Variants in NEK4 observed in about 807,000 individuals in gnomAD.
NEK4 encodes serine/threonine-protein kinase Nek4.
NEK4 carries 86 observed loss-of-function variants against 98.4 expected under a neutral mutation model. That is an observed-to-expected ratio of 0.87 (90% CI 0.73 to 1.05). The LOEUF (loss-of-function observed/expected upper bound fraction) is 1.05, where lower values mean the gene tolerates loss of function less well. Among genes scored for constraint, NEK4 ranks in the 50% least tolerant of loss-of-function variants. NEK4 has a pLI of 0.00. For missense variants in NEK4, 898 were observed against 950.3 expected (o/e 0.94, Z 0.72); for synonymous variants, 328 against 342.2 (o/e 0.96, Z 0.46).
In NEK4 at chr3:52,711,667, A is replaced by T; in HGVS notation, c.*110T>A. ...GAAACGCCAAAGAGATATAAAAAAG[A>T]GATATAAAACAGTGGTGAGTGGCTT... On this transcript the variant is annotated 3_prime_UTR_variant, in exon 16 of 16. Coordinates refer to ENST00000233027, the MANE Select transcript of NEK4 (RefSeq NM_003157.6). 3.0e-6 allele frequency: 2 copies of T among 661,048 alleles called. No homozygotes were observed. Among genetic ancestry groups the T allele is most frequent in the East Asian group, 5.2e-5 (2 of 38,372 alleles). The allele number at this position is 661,048 out of a possible 1,614,324, so 40.9% of individuals were successfully genotyped here.
At chr3:52,767,707 A>G (rs1053241284) in intron 2 of NEK4, among the ~76,000 whole-genome samples, 9 of 152,090 alleles carry the variant, frequency 5.9e-5, no homozygotes, top group African/African-American at 2.2e-4. Context: ...AACAAAAACA[A>G]AACTCCGTCT....
rs1256464141 is a variant in NEK4 at position 52,711,347 on chromosome 3, T to C, written c.*430A>G. 3 of 153,150 alleles carry C rather than the reference T, an allele frequency of 2.0e-5. No homozygotes were observed. The highest frequency in any genetic ancestry group is 2.9e-5 in the Non-Finnish European group (2 of 68,348). The allele number at this position is 153,150 out of a possible 1,614,324, so 9.5% of individuals were successfully genotyped here. A position where few individuals can be genotyped will look rare whatever the true frequency, so the allele number is the denominator to read the frequency against. On this transcript the variant is annotated 3_prime_UTR_variant, in exon 16 of 16. Coordinates refer to ENST00000233027, the MANE Select transcript of NEK4 (RefSeq NM_003157.6). ...ATTTATCAACTACTCCTTAAGGTTA[T>C]TAACAATAGCAGGAATTATGACGAC...
chr3:52,731,477 C>T (rs565773259), intron 15 of NEK4, among the ~76,000 whole-genome samples: 1 of 152,082 alleles, frequency 6.6e-6, no homozygotes, highest in Non-Finnish European at 1.5e-5. Context: ...TATAGATCAG[C>T]GGAATAGAAA....
chr3:52,718,294 G>A (rs1180133932), intron 15 of NEK4, among the ~76,000 whole-genome samples: 1 of 151,088 alleles, frequency 6.6e-6, no homozygotes, highest in Non-Finnish European at 1.5e-5. Context: ...CCAACATGGT[G>A]AAACACTGTC....
intron 15 of NEK4, chr3:52,732,992 G>C: frequency 9.2e-6 from 2 of 216,692 alleles, no homozygotes; most frequent in South Asian, 1.7e-4. Context: ...ACAAACCATA[G>C]TTCCTCAGTT....
intron 6 of NEK4, among the ~76,000 whole-genome samples, chr3:52,759,988 T>C (rs1196453797): frequency 2.0e-5 from 3 of 152,208 alleles, no homozygotes; most frequent in African/African-American, 7.2e-5. Flanking sequence ...TTAATGATTC[T>C]ATTTACATGA....
intron 1 of NEK4, among the ~76,000 whole-genome samples, 183 bp from the exon 2 acceptor site, chr3:52,768,787 C>A (rs1698673435): frequency 2.0e-5 from 3 of 152,120 alleles, no homozygotes; most frequent in African/African-American, 4.8e-5. Flanking sequence ...ATTGATACTT[C>A]TTATAAGTTA....
rs1467999562 is a variant in NEK4, at chr3:52,724,264, A to C, written c.2434-12395T>G. ...ACACACACACACACACACACACACA[A>C]AACTGTCAAAAGACAAAGACAAAGA... On this transcript the variant is annotated intron_variant, in intron 15 of 15. Transcript: ENST00000233027. 6.8e-5 allele frequency among the ~76,000 whole-genome samples: 6 copies of C among 88,682 alleles called. No individual in the cohort carries two copies. In the South Asian group the frequency reaches 8.9e-4, roughly 13 times the overall value. The allele number at this position is 88,682 out of a possible 152,430, so 58.2% of individuals were successfully genotyped here.
rs1211626573 is a variant in NEK4, at chr3:52,711,518, C to T, written c.*259G>A. 4.2e-5 allele frequency: 13 copies of T among 310,708 alleles called. No individual in the cohort carries two copies. Among genetic ancestry groups the T allele is most frequent in the Non-Finnish European group, 5.8e-5 (10 of 171,212 alleles). 19.2% of individuals were successfully genotyped at this position (310,708 alleles called of 1,614,324 possible). ...AATATAAACTTGGTGGATTAAGGCTCAGTAAACAGTAATCAAACAAACAAC... is the reference window on the plus strand; with the variant it reads ...AATATAAACTTGGTGGATTAAGGCTTAGTAAACAGTAATCAAACAAACAAC... On this transcript the variant is annotated 3_prime_UTR_variant, in exon 16 of 16. Coordinates refer to ENST00000233027, the MANE Select transcript of NEK4 (RefSeq NM_003157.6).
At chr3:52,755,646 T>G (rs1249433457) in intron 6 of NEK4, among the ~76,000 whole-genome samples, 1 of 152,056 alleles carries the variant, frequency 6.6e-6, no homozygotes, top group African/African-American at 2.4e-5. Flanking sequence ...AGAATGCCTG[T>G]TTTCACCTCT....
chr3:52,727,764 C>T (rs1006030539), intron 15 of NEK4, among the ~76,000 whole-genome samples: 2 of 152,166 alleles, frequency 1.3e-5, no homozygotes, highest in Non-Finnish European at 2.9e-5. Context: ...AGCCACTGTG[C>T]CCAGTCTAAA....
Position 52,711,863 on chromosome 3 carries a change from A to G in NEK4, c.2440T>C (p.Leu814=), listed in dbSNP as rs1232184600. Reference sequence around the variant, plus strand: ...TACTTTTCACCCATGTGCTCCCGCAAACGTACCTATTTGAGAAACAAAAAG... The same window carrying G: ...TACTTTTCACCCATGTGCTCCCGCAGACGTACCTATTTGAGAAACAAAAAG... ...EEDEFDREVR[L]REHMGEKYTT... The change falls in exon 16 of 16, where the codon TTG becomes CTG. Residue 814 remains leucine, a synonymous_variant. Coordinates refer to ENST00000233027, the MANE Select transcript of NEK4 (RefSeq NM_003157.6). The G allele has an allele frequency of 1.3e-6, 2 of 1,588,876 alleles. No homozygotes were observed. The highest frequency in any genetic ancestry group is 4.5e-5 in the East Asian group (2 of 44,538).
At chr3:52,747,454 C>G (rs1296202582) in intron 8 of NEK4, 1 of 68,902 alleles carries the variant, frequency 1.5e-5, no homozygotes, top group Non-Finnish European at 2.9e-5. Flanking sequence ...GACTCCATCT[C>G]AAAAAAAAAA....
chr3:52,743,245 G>T, intron 12 of NEK4, 107 bp downstream of exon 12: 1 of 782,302 alleles, frequency 1.3e-6, no homozygotes, highest in South Asian at 1.6e-5. Context: ...GATATAACAA[G>T]CTGGCCCTGT....
At chr3:52,740,802 T>TAAATA (rs1263074860) in intron 13 of NEK4, among the ~76,000 whole-genome samples, 1 of 143,882 alleles carries the variant, frequency 7.0e-6, no homozygotes, top group Non-Finnish European at 1.5e-5. Context: ...AAAAAATAAA[T>TAAATA]AAATAAAATA....
intron 2 of NEK4, among the ~76,000 whole-genome samples, chr3:52,767,035 G>A (rs1698592803): frequency 6.6e-6 from 1 of 151,976 alleles, no homozygotes; most frequent in Admixed American, 6.5e-5. Context: ...GCAGTGTTCA[G>A]CAGTTTGGGA....
intron 5 of NEK4, 121 bp downstream of exon 5, chr3:52,763,349 T>C: frequency 1.9e-6 from 2 of 1,051,888 alleles, no homozygotes; most frequent in Non-Finnish European, 2.8e-6. Context: ...TATGTAATCA[T>C]GCCATTTTAT....
intron 15 of NEK4, among the ~76,000 whole-genome samples, chr3:52,731,765 C>A (rs2097369898): frequency 6.6e-6 from 1 of 152,188 alleles, no homozygotes; most frequent in African/African-American, 2.4e-5. Context: ...AGGCAATCTG[C>A]CCACCTCGTC....
chr3:52,757,533 G>A (rs1432779390), intron 6 of NEK4, among the ~76,000 whole-genome samples: 4 of 150,674 alleles, frequency 2.7e-5, no homozygotes, highest in Non-Finnish European at 5.9e-5. Flanking sequence ...GCTCCAACCT[G>A]GGTAACAGTG....
Sources: gnomAD v4.1 joint callset for allele counts (sites outside exome capture counted in the v4.1 genomes callset) on GRCh38, gnomAD v4.1.1 for gene constraint, MANE v1.5 for transcripts, NCBI Gene and HGNC (gene_info 2026-07-23, HGNC 2026-07-21) for gene names.